Variants in PKN2 observed in about 807,000 individuals in gnomAD.
PKN2 encodes serine/threonine-protein kinase N2.
In PKN2, 38 loss-of-function variants were observed where a neutral mutation model predicts 119.1. That is an observed-to-expected ratio of 0.32 (90% confidence interval 0.25 to 0.42). The LOEUF (loss-of-function observed/expected upper bound fraction) is 0.42. PKN2 is among the 10% of genes least tolerant of loss of function. PKN2 has a pLI of 1.00. For missense variants in PKN2, 850 were observed against 1,165.1 expected (o/e 0.73, Z 3.94); for synonymous variants, 390 against 384.9 (o/e 1.01, Z -0.15).
At chr1:88,805,068 G>A (rs1671482306) in intron 10 of PKN2, 147 bp downstream of exon 10, 4 of 550,462 alleles carry the variant, frequency 7.3e-6, no homozygotes, top group South Asian at 2.5e-5. Flanking sequence ...TATTTTAAAT[G>A]TATCCATAAG....
At chr1:88,777,403 TTCTG>T (rs1171102019) in intron 6 of PKN2, among the ~76,000 whole-genome samples, 1 of 152,154 alleles carries the variant, frequency 6.6e-6, no homozygotes, top group Non-Finnish European at 1.5e-5. Context: ...CAGGGTCAGT[TTCTG>T]TTAATTTCTT....
chr1:88,819,094 C>G (rs1484824535), intron 16 of PKN2, among the ~76,000 whole-genome samples: 1 of 151,862 alleles, frequency 6.6e-6, no homozygotes, highest in African/African-American at 2.4e-5. Flanking sequence ...AAAACCTAGG[C>G]AGTACCATTC....
chr1:88,730,904 A>T (rs550772464), intron 1 of PKN2, among the ~76,000 whole-genome samples: 7 of 152,360 alleles, frequency 4.6e-5, no homozygotes, highest in Non-Finnish European at 7.3e-5. Flanking sequence ...ATACATGGTC[A>T]TTCTGATGCC....
chr1:88,726,762 G>GT (rs1310887789), intron 1 of PKN2, among the ~76,000 whole-genome samples: 23 of 99,176 alleles, frequency 2.3e-4, no homozygotes, highest in African/African-American at 8.3e-4. Flanking sequence ...GAGTTTTGGT[G>GT]GTTTTTTTTT....
intron 3 of PKN2, among the ~76,000 whole-genome samples, chr1:88,760,647 T>G (rs1430553810): frequency 2.6e-5 from 4 of 151,608 alleles, no homozygotes; most frequent in Non-Finnish European, 5.9e-5. Flanking sequence ...TTTAGTGCTG[T>G]TTTTTTTCAC....
intron 2 of PKN2, among the ~76,000 whole-genome samples, chr1:88,747,588 C>A (rs1190713251): frequency 1.3e-5 from 2 of 152,072 alleles, no homozygotes; most frequent in Non-Finnish European, 2.9e-5. Flanking sequence ...AGTATGTCAT[C>A]ACTGAAGAAG....
intron 6 of PKN2, among the ~76,000 whole-genome samples, chr1:88,774,721 A>T (rs1050835399): frequency 5.3e-5 from 8 of 150,422 alleles, no homozygotes; most frequent in Non-Finnish European, 1.2e-4. Context: ...TTATTTACTT[A>T]TTTTTGAGAC....
chr1:88,710,282 G>A (rs1352325369), intron 1 of PKN2, among the ~76,000 whole-genome samples: 2 of 152,194 alleles, frequency 1.3e-5, no homozygotes, highest in African/African-American at 4.8e-5. Context: ...CTTCCTGGAA[G>A]TGAGTTATGA....
intron 1 of PKN2, among the ~76,000 whole-genome samples, chr1:88,696,512 C>G (rs560250484): frequency 6.6e-6 from 1 of 152,174 alleles, no homozygotes; most frequent in African/African-American, 2.4e-5. Context: ...CTCCTAACTT[C>G]TAAATTTACA....
At chr1:88,800,249 G>C (rs1002202426) in intron 8 of PKN2, among the ~76,000 whole-genome samples, 2 of 152,162 alleles carry the variant, frequency 1.3e-5, no homozygotes, top group Admixed American at 1.3e-4. Flanking sequence ...CATTTATTAA[G>C]AAGTGCTTAC....
chr1:88,748,771 C>CAA (rs35282314), intron 2 of PKN2, among the ~76,000 whole-genome samples: 1 of 151,612 alleles, frequency 6.6e-6, no homozygotes, highest in African/African-American at 2.4e-5. Context: ...TTCATCTCCA[C>CAA]AAAAAATTTA....
chr1:88,713,268 A>G (rs1242710977), intron 1 of PKN2, among the ~76,000 whole-genome samples: 1 of 152,212 alleles, frequency 6.6e-6, no homozygotes, highest in Non-Finnish European at 1.5e-5. Context: ...AGCATGATTT[A>G]TAATCCTTTG....
chr1:88,750,237 A>G (rs1016036722), intron 2 of PKN2, among the ~76,000 whole-genome samples: 1 of 152,190 alleles, frequency 6.6e-6, no homozygotes, highest in Non-Finnish European at 1.5e-5. Context: ...CCTGGGTCTG[A>G]GAAGTAAAGA....
intron 1 of PKN2, among the ~76,000 whole-genome samples, chr1:88,728,384 A>T (rs1015831997): frequency 6.6e-5 from 10 of 152,066 alleles, no homozygotes; most frequent in African/African-American, 2.2e-4. Flanking sequence ...AATAAATACT[A>T]CTTTTCTTGA....
chr1:88,751,883 G>T (rs868577795), intron 2 of PKN2, among the ~76,000 whole-genome samples: 1 of 152,046 alleles, frequency 6.6e-6, no homozygotes, highest in Non-Finnish European at 1.5e-5. Flanking sequence ...CTGTTATTTC[G>T]TGGTTGTCTG....
chr1:88,795,409 G>T (rs1224405155), intron 8 of PKN2, among the ~76,000 whole-genome samples: 2 of 151,846 alleles, frequency 1.3e-5, no homozygotes, highest in African/African-American at 4.8e-5. Context: ...TTTTTATTTT[G>T]CTTCGTCCTA....
At chr1:88,809,024 ATG>A (rs1400044689) in intron 15 of PKN2, among the ~76,000 whole-genome samples, 1 of 152,128 alleles carries the variant, frequency 6.6e-6, no homozygotes, top group African/African-American at 2.4e-5. Context: ...GCAACTTTTA[ATG>A]TTTTTTTCCA....
At chr1:88,717,510 C>T (rs1002142190) in intron 1 of PKN2, among the ~76,000 whole-genome samples, 1 of 151,862 alleles carries the variant, frequency 6.6e-6, no homozygotes, top group Non-Finnish European at 1.5e-5. Context: ...ATTCTTTTTT[C>T]TCTAAACTTC....
At chr1:88,755,901 G>C (rs1669177804) in intron 2 of PKN2, among the ~76,000 whole-genome samples, 1 of 151,214 alleles carries the variant, frequency 6.6e-6, no homozygotes, top group Non-Finnish European at 1.5e-5. Context: ...CAAACTATCA[G>C]ATCAATTGGT....
Sources: gnomAD v4.1 joint callset for allele counts (sites outside exome capture counted in the v4.1 genomes callset) on GRCh38, gnomAD v4.1.1 for gene constraint, MANE v1.5 for transcripts, NCBI Gene and HGNC (gene_info 2026-07-23, HGNC 2026-07-21) for gene names.